WDR72: variants seen among roughly 807,000 people sequenced by gnomAD.
WDR72 encodes the protein WD repeat-containing protein 72.
A neutral mutation model predicts 124.2 loss-of-function variants in WDR72; 120 were observed. The observed-to-expected ratio is 0.97, with a 90% CI of 0.83 to 1.12. The LOEUF (loss-of-function observed/expected upper bound fraction) is 1.12. Among genes scored for constraint, WDR72 ranks in the 50% most tolerant of loss-of-function variants. The probability of loss-of-function intolerance (pLI) is 0.00; values close to 1 mark genes in which losing one functional copy is unlikely to be tolerated. For synonymous variants in WDR72, 452 were observed against 441.7 expected (o/e 1.02, Z -0.29); for missense variants, 1,387 against 1,278.8 (o/e 1.08, Z -1.29).
At chr15:53,744,351 C>A (rs2018589740) in intron 1 of WDR72, among the ~76,000 whole-genome samples, 1 of 152,130 alleles carries the variant, frequency 6.6e-6, no homozygotes, top group African/African-American at 2.4e-5. Flanking sequence ...CCGTAGAGGG[C>A]TCAAACCATT....
At chr15:53,671,887 G>T (rs2016001304) in intron 13 of WDR72, among the ~76,000 whole-genome samples, 1 of 151,624 alleles carries the variant, frequency 6.6e-6, no homozygotes, top group Non-Finnish European at 1.5e-5. Flanking sequence ...ATAAGAAAAT[G>T]CACAGAGAGA....
chr15:53,582,672 A>G (rs1422433265), intron 18 of WDR72, among the ~76,000 whole-genome samples: 1 of 152,004 alleles, frequency 6.6e-6, no homozygotes, highest in Admixed American at 6.6e-5. Context: ...TAACTGCTAA[A>G]TATAAAAATG....
chr15:53,745,581 A>G (rs2140887277), intron 1 of WDR72, among the ~76,000 whole-genome samples: 1 of 152,332 alleles, frequency 6.6e-6, no homozygotes, highest in African/African-American at 2.4e-5. Context: ...ATGAACAACA[A>G]ATAAGTTTTG....
At chr15:53,552,128 A>ATGTGTGTGTG (rs34039658) in intron 18 of WDR72, among the ~76,000 whole-genome samples, 10 of 149,846 alleles carry the variant, frequency 6.7e-5, no homozygotes, top group African/African-American at 2.5e-4. Context: ...TATACCTATC[A>ATGTGTGTGTG]TGTGTGTGTG....
At chr15:53,650,982 C>T (rs892868626) in intron 14 of WDR72, among the ~76,000 whole-genome samples, 4 of 139,590 alleles carry the variant, frequency 2.9e-5, no homozygotes, top group Admixed American at 7.6e-5. Flanking sequence ...TGAGTAAAAT[C>T]GTGAAAAGAC....
At chr15:53,548,877 A>G (rs1566955297) in intron 18 of WDR72, among the ~76,000 whole-genome samples, 1 of 152,168 alleles carries the variant, frequency 6.6e-6, no homozygotes, top group Admixed American at 6.5e-5. Flanking sequence ...CAATGCAAAC[A>G]GTGTTTCCAT....
chr15:53,587,216 A>G (rs1318402594), intron 18 of WDR72, among the ~76,000 whole-genome samples: 1 of 152,064 alleles, frequency 6.6e-6, no homozygotes, highest in Non-Finnish European at 1.5e-5. Flanking sequence ...TCCCAAGTCC[A>G]GAACATAACT....
intron 18 of WDR72, among the ~76,000 whole-genome samples, chr15:53,596,749 T>C (rs569382569): frequency 3.9e-4 from 59 of 152,226 alleles, no homozygotes; most frequent in African/African-American, 1.2e-3. Flanking sequence ...TAAGAGGAAA[T>C]TGATAGCAGA....
intron 1 of WDR72, among the ~76,000 whole-genome samples, chr15:53,756,047 A>G (rs1405856755): frequency 2.6e-5 from 4 of 152,160 alleles, no homozygotes; most frequent in Non-Finnish European, 4.4e-5. Context: ...TCTAATCTAT[A>G]CTAAAGCAAT....
chr15:53,579,357 A>G (rs2011793054), intron 18 of WDR72, among the ~76,000 whole-genome samples: 1 of 152,120 alleles, frequency 6.6e-6, no homozygotes, highest in Non-Finnish European at 1.5e-5. Context: ...GAAACCTACA[A>G]AGAAGGGAGG....
chr15:53,526,197 T>C (rs1041224953), intron 18 of WDR72, among the ~76,000 whole-genome samples: 17 of 152,058 alleles, frequency 1.1e-4, no homozygotes, highest in Non-Finnish European at 2.2e-4. Context: ...TGTGCTCTAA[T>C]TGAAGTGTGA....
At chr15:53,628,147 G>C (rs1479097380) in intron 14 of WDR72, among the ~76,000 whole-genome samples, 1 of 152,106 alleles carries the variant, frequency 6.6e-6, no homozygotes, top group Admixed American at 6.5e-5. Flanking sequence ...ATATAATTTA[G>C]TTCCTAAGAA....
intron 18 of WDR72, among the ~76,000 whole-genome samples, chr15:53,558,294 C>T (rs1045798823): frequency 2.0e-5 from 3 of 151,988 alleles, no homozygotes; most frequent in Non-Finnish European, 4.4e-5. Flanking sequence ...TCCGGTTTGC[C>T]TCGTCCTATC....
At chr15:53,629,677 C>T (rs1461911569) in intron 14 of WDR72, among the ~76,000 whole-genome samples, 1 of 152,114 alleles carries the variant, frequency 6.6e-6, no homozygotes, top group Non-Finnish European at 1.5e-5. Flanking sequence ...AGGATCTTTT[C>T]TTCCCTAGTA....
chr15:53,732,966 G>A (rs779443749), intron 2 of WDR72, 31 bp downstream of exon 2: 2 of 1,613,758 alleles, frequency 1.2e-6, no homozygotes, highest in South Asian at 1.1e-5. Context: ...TGTGAGTGGT[G>A]TCTGTTTCAA....
At chr15:53,677,789 G>A (rs1319871938) in intron 13 of WDR72, among the ~76,000 whole-genome samples, 1 of 152,114 alleles carries the variant, frequency 6.6e-6, no homozygotes, top group Non-Finnish European at 1.5e-5. Flanking sequence ...GCACATGTAA[G>A]AGATAAAATA....
At chr15:53,561,811 G>T (rs574008308) in intron 18 of WDR72, among the ~76,000 whole-genome samples, 84 of 151,832 alleles carry the variant, frequency 5.5e-4, no homozygotes, top group African/African-American at 1.9e-3. Flanking sequence ...CAAAATTTTT[G>T]ACAGTAGGGC....
At chr15:53,705,808 A>G (rs762694675) in intron 10 of WDR72, 119 bp downstream of exon 10, 27 of 1,142,520 alleles carry the variant, frequency 2.4e-5, no homozygotes, top group Non-Finnish European at 3.4e-5. Context: ...TTTAATACGT[A>G]GTAGTACACA....
chr15:53,757,309 T>C (rs28430582), intron 1 of WDR72, among the ~76,000 whole-genome samples: 15,763 of 150,412 alleles, frequency 0.1, 1,696 homozygotes, highest in African/African-American at 0.27. Flanking sequence ...AAAGGTACCT[T>C]TTATGATGTA....
Sources: allele counts gnomAD v4.1 joint callset (sites outside exome capture counted in the v4.1 genomes callset), GRCh38; gene constraint gnomAD v4.1.1; transcripts MANE v1.5; gene names NCBI Gene and HGNC (gene_info 2026-07-23, HGNC 2026-07-21).